EFNA5: variants seen among roughly 807,000 people sequenced by gnomAD.
The protein encoded by EFNA5 is ephrin-A5.
In EFNA5, 5 loss-of-function variants were observed where a neutral mutation model predicts 22.9. The observed-to-expected ratio is 0.22, with a 90% CI of 0.11 to 0.46. The LOEUF (loss-of-function observed/expected upper bound fraction) is 0.46. EFNA5 is among the 20% of genes least tolerant of loss of function. The pLI, the probability that EFNA5 is intolerant of heterozygous loss-of-function variation, is 0.99. For missense variants in EFNA5, 237 were observed against 293.3 expected (o/e 0.81, Z 1.40); for synonymous variants, 113 against 112.2 (o/e 1.01, Z -0.04).
chr5:107,643,968 G>C (rs1467403354), intron 1 of EFNA5, among the ~76,000 whole-genome samples: 1 of 151,986 alleles, frequency 6.6e-6, no homozygotes, highest in Non-Finnish European at 1.5e-5. Flanking sequence ...GAATTACCTG[G>C]AAACAACTGA....
At chr5:107,561,979 TCCTCCCCACTGGGGGA>T (rs1748556569) in intron 1 of EFNA5, among the ~76,000 whole-genome samples, 1 of 152,114 alleles carries the variant, frequency 6.6e-6, no homozygotes. Context: ...CTACACAGCC[TCCTCCCCACTGGGGGA>T]TGGGACGCAC....
intron 4 of EFNA5, 88 bp from the exon 5 acceptor site, chr5:107,381,464 C>G (rs1205667741): frequency 6.9e-7 from 1 of 1,439,594 alleles, no homozygotes; most frequent in South Asian, 1.5e-5. Context: ...GACCTCGCCA[C>G]CCTCTGCAAA....
At chr5:107,401,086 AG>A (rs1181086896) in intron 2 of EFNA5, among the ~76,000 whole-genome samples, 4 of 152,254 alleles carry the variant, frequency 2.6e-5, no homozygotes, top group Non-Finnish European at 4.4e-5. Context: ...AATGGAAAAA[AG>A]GATAACCATC....
chr5:107,525,985 A>G (rs1747689400), intron 1 of EFNA5, among the ~76,000 whole-genome samples: 1 of 152,226 alleles, frequency 6.6e-6, no homozygotes, highest in South Asian at 2.1e-4. Flanking sequence ...AATCATATTT[A>G]TACTGTACTA....
chr5:107,582,544 C>G (rs1749095022), intron 1 of EFNA5, among the ~76,000 whole-genome samples: 1 of 152,144 alleles, frequency 6.6e-6, no homozygotes, highest in South Asian at 2.1e-4. Context: ...TTTAGGCGAT[C>G]AGAGACCACT....
intron 2 of EFNA5, 189 bp downstream of exon 2, chr5:107,427,028 C>T (rs571347090): frequency 3.2e-5 from 20 of 624,982 alleles, no homozygotes; most frequent in South Asian, 6.0e-5. Context: ...GGGGGAGACG[C>T]GCTCTGTCTT....
In EFNA5 at chr5:107,381,171, C is replaced by A. The variant is rs978302107; in HGVS notation, c.*84G>T. ...ATCTGCCAAAACCCAATAACAAGTCCCTTCTTAGGATGAGCAGTTAGGTGG... is the reference window on the plus strand; with the variant it reads ...ATCTGCCAAAACCCAATAACAAGTCACTTCTTAGGATGAGCAGTTAGGTGG... On this transcript the variant is annotated 3_prime_UTR_variant, in exon 5 of 5. Transcript: ENST00000333274. 9 of 1,489,324 alleles carry A rather than the reference C, an allele frequency of 6.0e-6. No homozygotes were observed. Among genetic ancestry groups the A allele is most frequent in the South Asian group, 1.4e-5 (1 of 73,834 alleles). The allele number at this position is 1,489,324 out of a possible 1,614,324, so 92.3% of individuals were successfully genotyped here. A position where few individuals can be genotyped will look rare whatever the true frequency, so the allele number is the denominator to read the frequency against.
At chr5:107,622,946 G>A (rs948637145) in intron 1 of EFNA5, among the ~76,000 whole-genome samples, 4 of 148,266 alleles carry the variant, frequency 2.7e-5, no homozygotes, top group African/African-American at 7.5e-5. Flanking sequence ...GCGTGAACCC[G>A]GGAAGCGGAG....
chr5:107,500,380 C>T (rs1747105260), intron 1 of EFNA5, among the ~76,000 whole-genome samples: 1 of 152,190 alleles, frequency 6.6e-6, no homozygotes, highest in Non-Finnish European at 1.5e-5. Flanking sequence ...CTTTCTGTTG[C>T]TCTTTACTGC....
intron 2 of EFNA5, among the ~76,000 whole-genome samples, chr5:107,402,967 C>A (rs766787208): frequency 6.6e-6 from 1 of 152,198 alleles, no homozygotes; most frequent in Non-Finnish European, 1.5e-5. Flanking sequence ...AACTCTTCTT[C>A]TGTCTGTTCA....
intron 1 of EFNA5, among the ~76,000 whole-genome samples, chr5:107,476,057 T>TATATATATATGTATA: frequency 3.0e-5 from 3 of 100,406 alleles, no homozygotes; most frequent in Non-Finnish European, 5.6e-5. Flanking sequence ...TATATATATA[T>TATATATATATGTATA]TTTTTTTTTT....
chr5:107,378,238 G>A lies in EFNA5; in HGVS notation c.*3017C>T, dbSNP rs1747328806. On this transcript the variant is annotated 3_prime_UTR_variant, in exon 5 of 5. Coordinates refer to ENST00000333274, the MANE Select transcript of EFNA5 (RefSeq NM_001962.3). The stretch of plus-strand genomic sequence containing the variant: ...TACTTTTCTTTCCTCTGCCACCCAA[G>A]AAAGTACAGTACAAAACAATAGTCT... The A allele has an allele frequency of 6.8e-6, 1 of 146,178 alleles. No individual in the cohort carries two copies. Among genetic ancestry groups the A allele is most frequent in the Admixed American group, 6.9e-5 (1 of 14,442 alleles). 9.1% of individuals were successfully genotyped at this position (146,178 alleles called of 1,614,324 possible). A position where few individuals can be genotyped will look rare whatever the true frequency, so the allele number is the denominator to read the frequency against.
At chr5:107,648,851 C>T (rs1750676988) in intron 1 of EFNA5, among the ~76,000 whole-genome samples, 1 of 152,012 alleles carries the variant, frequency 6.6e-6, no homozygotes, top group Non-Finnish European at 1.5e-5. Flanking sequence ...AAAAAGAAAA[C>T]TTCTGTGTCC....
At chr5:107,569,362 TAC>T (rs1159633364) in intron 1 of EFNA5, among the ~76,000 whole-genome samples, 3 of 145,208 alleles carry the variant, frequency 2.1e-5, no homozygotes, top group African/African-American at 7.6e-5. Flanking sequence ...AAAATATATA[TAC>T]GTGTATATAT....
chr5:107,501,943 A>T (rs980527515), intron 1 of EFNA5, among the ~76,000 whole-genome samples: 1 of 152,212 alleles, frequency 6.6e-6, no homozygotes, highest in African/African-American at 2.4e-5. Flanking sequence ...CTTAAAGAAA[A>T]GTACTGCAGC....
intron 1 of EFNA5, among the ~76,000 whole-genome samples, chr5:107,481,060 G>A (rs994615689): frequency 1.1e-4 from 17 of 152,286 alleles, no homozygotes; most frequent in Admixed American, 5.9e-4. Flanking sequence ...CACTGTTCTA[G>A]GATCCAGAGG....
chr5:107,546,433 T>G (rs1422286993), intron 1 of EFNA5, among the ~76,000 whole-genome samples: 2 of 152,206 alleles, frequency 1.3e-5, no homozygotes, highest in Non-Finnish European at 2.9e-5. Context: ...CACCAAATGC[T>G]TCCAACAGGA....
intron 1 of EFNA5, among the ~76,000 whole-genome samples, chr5:107,611,266 A>G (rs1298726205): frequency 1.3e-5 from 2 of 152,240 alleles, no homozygotes; most frequent in Admixed American, 6.5e-5. Context: ...GTATCACAGA[A>G]GAGACTGTTT....
At chr5:107,653,501 G>T (rs1750773152) in intron 1 of EFNA5, among the ~76,000 whole-genome samples, 1 of 152,162 alleles carries the variant, frequency 6.6e-6, no homozygotes. Flanking sequence ...GAGGCTTTGA[G>T]CAGGGCTCAA....
Sources: allele counts gnomAD v4.1 joint callset (sites outside exome capture counted in the v4.1 genomes callset), GRCh38; gene constraint gnomAD v4.1.1; transcripts MANE v1.5; gene names NCBI Gene and HGNC (gene_info 2026-07-23, HGNC 2026-07-21).